Variants in CSMD1 observed in about 807,000 individuals in gnomAD.
CSMD1 encodes the protein CUB and sushi domain-containing protein 1.
CSMD1 carries 213 observed loss-of-function variants against 417.5 expected under a neutral mutation model. That is an observed-to-expected ratio of 0.51 (90% confidence interval 0.46 to 0.57). The LOEUF is 0.57. Among genes scored for constraint, CSMD1 ranks in the 20% least tolerant of loss-of-function variants. CSMD1 has a pLI of 0.00. For synonymous variants in CSMD1, 2,862 were observed against 1,736.8 expected (o/e 1.65, Z -16.11); for missense variants, 6,923 against 4,529.7 (o/e 1.53, Z -15.17).
chr8:3,877,914 A>G (rs940170622), intron 5 of CSMD1, among the ~76,000 whole-genome samples: 1 of 152,140 alleles, frequency 6.6e-6, no homozygotes, highest in Non-Finnish European at 1.5e-5. Flanking sequence ...AAATCATTTT[A>G]TAGGTCGTGG....
chr8:3,911,303 T>C (rs1360567390), intron 5 of CSMD1, among the ~76,000 whole-genome samples: 2 of 151,216 alleles, frequency 1.3e-5, no homozygotes, highest in Non-Finnish European at 3.0e-5. Flanking sequence ...CATAGATCCT[T>C]TTTTTTTTCC....
At chr8:4,877,991 C>T (rs1192688867) in intron 1 of CSMD1, among the ~76,000 whole-genome samples, 3 of 152,078 alleles carry the variant, frequency 2.0e-5, no homozygotes, top group African/African-American at 4.8e-5. Context: ...ACACCCATGA[C>T]CCTGTTCAGA....
chr8:4,199,059 G>C (rs1585008010), intron 3 of CSMD1, among the ~76,000 whole-genome samples: 1 of 151,948 alleles, frequency 6.6e-6, no homozygotes, highest in South Asian at 2.1e-4. Flanking sequence ...CTGCAGTCTG[G>C]CAAAACCCCT....
At chr8:4,286,771 C>A (rs1236433386) in intron 3 of CSMD1, among the ~76,000 whole-genome samples, 1 of 152,196 alleles carries the variant, frequency 6.6e-6, no homozygotes, top group African/African-American at 2.4e-5. Context: ...TTTTCTTTCC[C>A]ATCGCCTGTT....
intron 1 of CSMD1, among the ~76,000 whole-genome samples, chr8:4,963,218 T>C (rs1038629294): frequency 2.0e-5 from 3 of 152,186 alleles, no homozygotes; most frequent in African/African-American, 7.2e-5. Context: ...TTATTTTATT[T>C]GAGATGGAGT....
At chr8:4,361,291 C>A (rs1332195479) in intron 3 of CSMD1, among the ~76,000 whole-genome samples, 1 of 152,096 alleles carries the variant, frequency 6.6e-6, no homozygotes, top group East Asian at 1.9e-4. Flanking sequence ...ATAAATAATA[C>A]AAGATAAAGA....
intron 52 of CSMD1, among the ~76,000 whole-genome samples, chr8:3,001,456 C>T (rs184779289): frequency 2.6e-5 from 4 of 152,200 alleles, no homozygotes; most frequent in African/African-American, 9.6e-5. Flanking sequence ...GAGTAACTTA[C>T]ATGAATTGGA....
chr8:3,361,536 C>A (rs1219149796), intron 20 of CSMD1, among the ~76,000 whole-genome samples: 9 of 150,480 alleles, frequency 6.0e-5, no homozygotes, highest in African/African-American at 9.8e-5. Flanking sequence ...CCTGTAATCC[C>A]AGCTACTCGG....
At chr8:3,105,078 T>C (rs1816038760) in intron 46 of CSMD1, among the ~76,000 whole-genome samples, 1 of 152,350 alleles carries the variant, frequency 6.6e-6, no homozygotes, top group East Asian at 1.9e-4. Context: ...GTCGATACTT[T>C]TGCAAAGAAA....
intron 7 of CSMD1, among the ~76,000 whole-genome samples, chr8:3,672,963 T>G (rs1408744198): frequency 1.3e-5 from 2 of 152,222 alleles, no homozygotes; most frequent in Non-Finnish European, 2.9e-5. Context: ...ATCTCGTTAT[T>G]CCTATGCCTT....
At chr8:4,455,059 G>T (rs1160426065) in intron 2 of CSMD1, among the ~76,000 whole-genome samples, 2 of 152,066 alleles carry the variant, frequency 1.3e-5, no homozygotes, top group Non-Finnish European at 2.9e-5. Context: ...CCATGTTTAG[G>T]CTGGGAAACT....
At chr8:4,024,634 T>A (rs1796968754) in intron 4 of CSMD1, among the ~76,000 whole-genome samples, 1 of 152,142 alleles carries the variant, frequency 6.6e-6, no homozygotes, top group Admixed American at 6.5e-5. Flanking sequence ...ACAAGCAGGA[T>A]CTTGCATTTA....
intron 10 of CSMD1, among the ~76,000 whole-genome samples, chr8:3,511,819 T>TAACATAACATAACAC (rs1330164115): frequency 5.5e-4 from 78 of 142,526 alleles, no homozygotes; most frequent in African/African-American, 2.0e-3. Flanking sequence ...TAACATAACA[T>TAACATAACATAACAC]AACAATAAAT....
chr8:4,444,775 G>C (rs1007667224), intron 2 of CSMD1, among the ~76,000 whole-genome samples: 2 of 152,138 alleles, frequency 1.3e-5, no homozygotes, highest in Non-Finnish European at 2.9e-5. Flanking sequence ...TCCCTGATTT[G>C]ACTAAGAACA....
intron 3 of CSMD1, among the ~76,000 whole-genome samples, chr8:4,366,074 C>G (rs562596049): frequency 4.7e-4 from 71 of 152,202 alleles, no homozygotes; most frequent in Admixed American, 1.7e-3. Flanking sequence ...ATCCATGAGC[C>G]TCTCCTACCC....
At chr8:4,612,269 G>C (rs930580475) in intron 2 of CSMD1, among the ~76,000 whole-genome samples, 3 of 152,034 alleles carry the variant, frequency 2.0e-5, no homozygotes, top group Non-Finnish European at 4.4e-5. Context: ...AATAAATGAA[G>C]AGATCCCAAA....
rs529853559 is a variant in CSMD1 at position 4,411,469 on chromosome 8, C to T, written c.415+8484G>A. On this transcript the variant is annotated intron_variant, in intron 3 of 69. Transcript: ENST00000635120. ...CTTGGTTCTATTTTTCATTCAAATT[C>T]CAATTAAGAGCCAGAGATCCACTTA... is the stretch of plus-strand genomic sequence containing the variant. Among the ~76,000 whole-genome samples, 151 of 152,258 alleles carry T rather than the reference C, an allele frequency of 9.9e-4. 1 individual carries two copies. Among genetic ancestry groups the T allele is most frequent in the South Asian group, 9.7e-3 (47 of 4,826 alleles).
rs538370030 is a variant in CSMD1 at position 4,453,026 on chromosome 8, G to A, written c.303-32961C>T. Among the ~76,000 whole-genome samples the A allele has an allele frequency of 2.0e-5, 3 of 152,200 alleles. No individual in the cohort carries two copies. In the South Asian group the frequency reaches 6.2e-4, roughly 32 times the overall value. ...GTCCTCTGAAGAATACAATTTAAGGGACAACTTAGATTTTCAAGCATGTTG... is the reference window on the plus strand; with the variant it reads ...GTCCTCTGAAGAATACAATTTAAGGAACAACTTAGATTTTCAAGCATGTTG... On this transcript the variant is annotated intron_variant, in intron 2 of 69. Coordinates refer to ENST00000635120, the MANE Select transcript of CSMD1 (RefSeq NM_033225.6).
chr8:4,994,232 C>T (rs1456920992), intron 1 of CSMD1, 100 bp downstream of exon 1: 6 of 1,030,620 alleles, frequency 5.8e-6, no homozygotes, highest in East Asian at 5.2e-5. Context: ...GCAGAGGCGG[C>T]CACTCCGTAC....
Sources: allele counts gnomAD v4.1 joint callset (sites outside exome capture counted in the v4.1 genomes callset), GRCh38; gene constraint gnomAD v4.1.1; transcripts MANE v1.5; gene names NCBI Gene and HGNC (gene_info 2026-07-23, HGNC 2026-07-21).